CREB5: variants seen among roughly 807,000 people sequenced by gnomAD.
CREB5 encodes the protein cAMP responsive element binding protein 5, also known as cyclic AMP-responsive element-binding protein 5.
Under a neutral mutation model 57.1 loss-of-function variants are expected in CREB5, and 19 were observed. The observed-to-expected ratio is 0.33, with a 90% CI of 0.23 to 0.49. The LOEUF (loss-of-function observed/expected upper bound fraction) is 0.49, where lower values mean the gene tolerates loss of function less well. Among genes scored for constraint, CREB5 ranks in the 20% least tolerant of loss-of-function variants. CREB5 has a pLI of 0.99. For synonymous variants in CREB5, 238 were observed against 238.3 expected (o/e 1.00, Z 0.01); for missense variants, 579 against 671.6 (o/e 0.86, Z 1.52).
chr7:28,353,954 A>G (rs1183274581), intron 1 of CREB5, among the ~76,000 whole-genome samples: 1 of 152,188 alleles, frequency 6.6e-6, no homozygotes, highest in Non-Finnish European at 1.5e-5. Flanking sequence ...CTCTAGAGGT[A>G]GTAAGACACC....
intron 1 of CREB5, among the ~76,000 whole-genome samples, chr7:28,387,553 T>G (rs6955695): frequency 0.015 from 2,313 of 152,274 alleles, 59 homozygotes; most frequent in African/African-American, 0.053. Context: ...TGATAGTTTC[T>G]TTTGCTGTGC....
intron 1 of CREB5, among the ~76,000 whole-genome samples, chr7:28,458,368 T>A (rs1790206551): frequency 1.3e-5 from 2 of 152,212 alleles, no homozygotes; most frequent in Admixed American, 1.3e-4. Context: ...AATTGGGGCC[T>A]AGCTTCATGG....
At chr7:28,620,722 G>A (rs912294528) in intron 5 of CREB5, among the ~76,000 whole-genome samples, 3 of 152,080 alleles carry the variant, frequency 2.0e-5, no homozygotes, top group Admixed American at 2.0e-4. Context: ...AGGCGGCCAC[G>A]AATTGACCTG....
intron 5 of CREB5, among the ~76,000 whole-genome samples, chr7:28,710,239 T>A (rs1802335706): frequency 6.6e-6 from 1 of 152,220 alleles, no homozygotes; most frequent in Non-Finnish European, 1.5e-5. Flanking sequence ...CATTTATGAC[T>A]TGTAAATCAA....
chr7:28,800,038 A>T (rs1238108592), intron 7 of CREB5, among the ~76,000 whole-genome samples: 1 of 152,250 alleles, frequency 6.6e-6, no homozygotes, highest in African/African-American at 2.4e-5. Flanking sequence ...CTGTGTATTT[A>T]ACACTGAGCA....
chr7:28,349,597 A>T (rs1233597677), intron 1 of CREB5, among the ~76,000 whole-genome samples: 1 of 152,076 alleles, frequency 6.6e-6, no homozygotes, highest in African/African-American at 2.4e-5. Flanking sequence ...CCAACTAAGG[A>T]AGTAGGACCA....
chr7:28,356,832 TGTC>T (rs1208540369), intron 1 of CREB5, among the ~76,000 whole-genome samples: 1 of 152,158 alleles, frequency 6.6e-6, no homozygotes, highest in Non-Finnish European at 1.5e-5. Context: ...ACATGGCACT[TGTC>T]GTCAGCCGGA....
chr7:28,691,820 C>T (rs1801279131), intron 5 of CREB5, among the ~76,000 whole-genome samples: 1 of 152,086 alleles, frequency 6.6e-6, no homozygotes, highest in South Asian at 2.1e-4. Flanking sequence ...AGAATGAGCC[C>T]TGTCATGTGC....
At chr7:28,596,348 C>G (rs1257615356) in intron 5 of CREB5, among the ~76,000 whole-genome samples, 1 of 152,182 alleles carries the variant, frequency 6.6e-6, no homozygotes, top group Non-Finnish European at 1.5e-5. Context: ...CCCTGGATAT[C>G]TCAGAACTGA....
At position 28,819,397 on chromosome 7, in the gene CREB5, G is replaced by T; in HGVS notation, c.*118G>T. On this transcript the variant is annotated 3_prime_UTR_variant, in exon 11 of 11. Transcript: ENST00000357727. ...AGACTCCTCAGTTCTTCAAAGACTG[G>T]CTTTCATTTTTATAGTTATTATGGA... 3.0e-6 allele frequency: 3 copies of T among 993,818 alleles called. No individual in the cohort carries two copies. Among genetic ancestry groups the T allele is most frequent in the South Asian group, 2.1e-5 (1 of 48,310 alleles). 61.6% of individuals were successfully genotyped at this position (993,818 alleles called of 1,614,324 possible). A position where few individuals can be genotyped will look rare whatever the true frequency, so the allele number is the denominator to read the frequency against.
chr7:28,451,697 A>G (rs1019632692), intron 1 of CREB5, among the ~76,000 whole-genome samples: 1 of 152,122 alleles, frequency 6.6e-6, no homozygotes, highest in Non-Finnish European at 1.5e-5. Flanking sequence ...GCATGTGCAC[A>G]GAAGTATGGC....
intron 5 of CREB5, among the ~76,000 whole-genome samples, chr7:28,648,209 T>C (rs1318572396): frequency 6.6e-6 from 1 of 152,130 alleles, no homozygotes; most frequent in Non-Finnish European, 1.5e-5. Context: ...GTAAGATAAA[T>C]GATAACTGGA....
chr7:28,667,117 G>A (rs41337), intron 5 of CREB5, among the ~76,000 whole-genome samples: 3 of 151,788 alleles, frequency 2.0e-5, no homozygotes, highest in African/African-American at 4.8e-5. Flanking sequence ...CTGTCTGACC[G>A]TGAACAAGCC....
intron 5 of CREB5, among the ~76,000 whole-genome samples, chr7:28,651,725 T>C (rs563051160): frequency 1.3e-5 from 2 of 152,356 alleles, no homozygotes; most frequent in East Asian, 1.9e-4. Flanking sequence ...AATGCACCTA[T>C]GTTTTCAAGG....
At chr7:28,325,724 C>T (rs1332604711) in intron 1 of CREB5, among the ~76,000 whole-genome samples, 1 of 152,172 alleles carries the variant, frequency 6.6e-6, no homozygotes, top group Non-Finnish European at 1.5e-5. Context: ...ATGCTCACAC[C>T]TCTGATTTCC....
chr7:28,638,363 G>C (rs200032640), intron 5 of CREB5, among the ~76,000 whole-genome samples: 1 of 20,444 alleles, frequency 4.9e-5, no homozygotes, highest in Non-Finnish European at 1.0e-4. Context: ...TTTTTTTTTT[G>C]GAAACAGAAT....
At chr7:28,790,248 C>T (rs530480095) in intron 7 of CREB5, among the ~76,000 whole-genome samples, 11 of 152,278 alleles carry the variant, frequency 7.2e-5, no homozygotes, top group African/African-American at 2.4e-4. Context: ...AATAGTCCTA[C>T]TCATAGCAAA....
At chr7:28,688,774 G>A (rs1801084128) in intron 5 of CREB5, among the ~76,000 whole-genome samples, 1 of 152,216 alleles carries the variant, frequency 6.6e-6, no homozygotes, top group Non-Finnish European at 1.5e-5. Flanking sequence ...AATGAAACCA[G>A]TGGTGAAGAT....
chr7:28,488,311 C>T, intron 2 of CREB5, 65 bp downstream of exon 2: 2 of 1,475,448 alleles, frequency 1.4e-6, no homozygotes, highest in Non-Finnish European at 1.9e-6. Flanking sequence ...AAGCAACTCT[C>T]ACCCGGCAAT....
Sources: gnomAD v4.1 joint callset for allele counts (sites outside exome capture counted in the v4.1 genomes callset) on GRCh38, gnomAD v4.1.1 for gene constraint, MANE v1.5 for transcripts, NCBI Gene and HGNC (gene_info 2026-07-23, HGNC 2026-07-21) for gene names.